The following TRPC5 variants were observed in gnomAD, a reference collection of about 807,000 sequenced individuals.
TRPC5 encodes short transient receptor potential channel 5.
A neutral mutation model predicts 56.5 loss-of-function variants in TRPC5; 9 were observed. The ratio of observed to expected loss-of-function variants is 0.16; its 90% CI spans 0.10 to 0.28. The LOEUF (loss-of-function observed/expected upper bound fraction) is 0.28, where lower values mean the gene tolerates loss of function less well. Ranked by LOEUF, TRPC5 falls within the 10% of genes least tolerant of loss-of-function variation. The pLI, the probability that TRPC5 is intolerant of heterozygous loss-of-function variation, is 1.00. For missense variants in TRPC5, 469 were observed against 748.9 expected, an observed-to-expected ratio of 0.63 and a Z score of 4.36; for synonymous variants, 282 against 278.5, an observed-to-expected ratio of 1.01 and a Z score of -0.13.
At chrX:111,983,570 G>T (rs930829119) in intron 1 of TRPC5, among the ~76,000 whole-genome samples, 1 of 111,329 alleles carries the variant, frequency 9.0e-6, no homozygotes, top group Admixed American at 9.6e-5. Flanking sequence ...TTCCTTTCAA[G>T]TCCCTGACCA....
At chrX:111,907,662 A>AATC (rs1316794531) in intron 3 of TRPC5, among the ~76,000 whole-genome samples, 1 of 110,192 alleles carries the variant, frequency 9.1e-6, no homozygotes, top group Non-Finnish European at 1.9e-5. Flanking sequence ...TAATAATAAT[A>AATC]ATGGAAGCAT....
intron 3 of TRPC5, among the ~76,000 whole-genome samples, chrX:111,860,040 C>G (rs1255702951): frequency 8.9e-6 from 1 of 112,646 alleles, no homozygotes; most frequent in African/African-American, 3.2e-5. Context: ...TCCCGAGTAG[C>G]TGGGGCTACA....
chrX:111,968,395 A>G (rs1352374695), intron 1 of TRPC5, among the ~76,000 whole-genome samples: 2 of 111,847 alleles, frequency 1.8e-5, no homozygotes, highest in African/African-American at 6.5e-5. Context: ...AACTAGTTCA[A>G]CCATTGTGGA....
intron 1 of TRPC5, among the ~76,000 whole-genome samples, chrX:112,062,030 C>G (rs1420080163): frequency 2.7e-5 from 3 of 111,281 alleles, no homozygotes; most frequent in African/African-American, 6.5e-5. Context: ...CTTTATATCT[C>G]CAGGCTATTC....
At chrX:111,948,163 A>G (rs1445322563) in intron 2 of TRPC5, among the ~76,000 whole-genome samples, 1 of 111,335 alleles carries the variant, frequency 9.0e-6, no homozygotes, top group Admixed American at 9.6e-5. Context: ...GTGTTGAGGT[A>G]TTCCAATTTT....
intron 7 of TRPC5, among the ~76,000 whole-genome samples, chrX:111,820,086 C>T (rs966324213): frequency 1.1e-4 from 12 of 111,909 alleles, no homozygotes; most frequent in Non-Finnish European, 2.1e-4. Flanking sequence ...ATTTTCTTTC[C>T]ATTAGATAAT....
chrX:111,857,477 T>C (rs971400980), intron 3 of TRPC5, among the ~76,000 whole-genome samples: 5 of 112,049 alleles, frequency 4.5e-5, no homozygotes, highest in Middle Eastern at 4.2e-3. Flanking sequence ...GAAGATGAAA[T>C]AGGTTTATGG....
chrX:111,939,067 G>C (rs1271951992), intron 2 of TRPC5, among the ~76,000 whole-genome samples: 1 of 111,924 alleles, frequency 8.9e-6, no homozygotes, highest in Non-Finnish European at 1.9e-5. Flanking sequence ...GTGTTGAAAT[G>C]TGTTCCTTGT....
intron 3 of TRPC5, among the ~76,000 whole-genome samples, chrX:111,869,248 C>T (rs147092362): frequency 9.0e-6 from 1 of 110,806 alleles, no homozygotes; most frequent in East Asian, 2.8e-4. Context: ...GGAAATAGCC[C>T]CTACCTTTTA....
At chrX:112,046,017 A>T (rs922357542) in intron 1 of TRPC5, among the ~76,000 whole-genome samples, 3 of 110,457 alleles carry the variant, frequency 2.7e-5, no homozygotes, top group Non-Finnish European at 5.7e-5. Context: ...AGTTACTGGC[A>T]CCTAGTCAGT....
At chrX:112,035,265 G>A (rs1198965788) in intron 1 of TRPC5, among the ~76,000 whole-genome samples, 2 of 110,273 alleles carry the variant, frequency 1.8e-5, no homozygotes, top group African/African-American at 3.3e-5. Flanking sequence ...TGGCTACTCT[G>A]GATATCAGGT....
intron 1 of TRPC5, among the ~76,000 whole-genome samples, chrX:112,077,831 T>C (rs1183886590): frequency 8.9e-6 from 1 of 112,289 alleles, no homozygotes; most frequent in Non-Finnish European, 1.9e-5. Context: ...TCCTTCTTCT[T>C]GTACTCTGCT....
intron 3 of TRPC5, among the ~76,000 whole-genome samples, chrX:111,890,875 T>A (rs1286670306): frequency 9.0e-6 from 1 of 111,116 alleles, no homozygotes; most frequent in Non-Finnish European, 1.9e-5. Context: ...CCTCCCACCC[T>A]CGACCCTCTG....
chrX:111,848,707 G>T (rs1432577022), intron 5 of TRPC5, among the ~76,000 whole-genome samples: 1 of 112,466 alleles, frequency 8.9e-6, no homozygotes, highest in East Asian at 2.8e-4. Flanking sequence ...TTCTCTGTCA[G>T]AGGAGCTTGG....
intron 1 of TRPC5, among the ~76,000 whole-genome samples, chrX:112,051,437 C>T (rs186860193): frequency 9.0e-6 from 1 of 111,439 alleles, no homozygotes; most frequent in African/African-American, 3.3e-5. Context: ...CCACTGCTTT[C>T]CCCATCCACT....
chrX:111,820,535 T>G (rs1177566601), intron 7 of TRPC5, among the ~76,000 whole-genome samples: 1 of 112,159 alleles, frequency 8.9e-6, no homozygotes, highest in Admixed American at 9.4e-5. Flanking sequence ...CAAATTTCAG[T>G]GTCAATAAGT....
intron 2 of TRPC5, among the ~76,000 whole-genome samples, chrX:111,945,121 T>C (rs1282321801): frequency 9.1e-6 from 1 of 110,200 alleles, no homozygotes; most frequent in Non-Finnish European, 1.9e-5. Context: ...AAGTTGCTCA[T>C]GTGCACAACA....
chrX:112,056,148 G>T (rs984098184), intron 1 of TRPC5, among the ~76,000 whole-genome samples: 3 of 111,693 alleles, frequency 2.7e-5, no homozygotes, highest in African/African-American at 9.8e-5. Flanking sequence ...CTAAATCAGG[G>T]TGCATAGCTT....
At chrX:112,013,100 A>G (rs1929032578) in intron 1 of TRPC5, among the ~76,000 whole-genome samples, 1 of 111,543 alleles carries the variant, frequency 9.0e-6, no homozygotes, top group African/African-American at 3.3e-5. Flanking sequence ...TGGATCACTA[A>G]ACTGTCTCAA....
Sources: allele counts gnomAD v4.1 joint callset (sites outside exome capture counted in the v4.1 genomes callset), GRCh38; gene constraint gnomAD v4.1.1; transcripts MANE v1.5; gene names NCBI Gene and HGNC (gene_info 2026-07-23, HGNC 2026-07-21).